MEI4: variants seen among roughly 807,000 people sequenced by gnomAD.
The protein encoded by MEI4 is meiotic double-stranded break formation protein 4, also known as meiosis-specific protein MEI4.
Under a neutral mutation model 31.4 loss-of-function variants are expected in MEI4, and 27 were observed. That is an observed-to-expected ratio of 0.86 (90% CI 0.63 to 1.19). MEI4 has a LOEUF of 1.19. Ranked by LOEUF, MEI4 falls within the 50% of genes most tolerant of loss-of-function variation. The probability of loss-of-function intolerance (pLI) is 0.00; values close to 1 mark genes in which losing one functional copy is unlikely to be tolerated. For synonymous variants in MEI4, 122 were observed against 145.4 expected (o/e 0.84, Z 1.16); for missense variants, 329 against 398.9 (o/e 0.82, Z 1.49).
intron 2 of MEI4, among the ~76,000 whole-genome samples, chr6:77,730,402 C>A (rs1403897493): frequency 6.6e-6 from 1 of 152,032 alleles, no homozygotes; most frequent in Non-Finnish European, 1.5e-5. Context: ...CTCATCCTGA[C>A]ACTTCCTGTT....
At chr6:77,700,579 T>C (rs1441394708) in intron 2 of MEI4, among the ~76,000 whole-genome samples, 11 of 152,190 alleles carry the variant, frequency 7.2e-5, no homozygotes, top group Non-Finnish European at 1.3e-4. Context: ...TCGGCTCACA[T>C]ACGGTGTGCT....
chr6:77,784,387 G>C (rs1039309253), intron 3 of MEI4, among the ~76,000 whole-genome samples: 2 of 152,086 alleles, frequency 1.3e-5, no homozygotes, highest in African/African-American at 4.8e-5. Context: ...TATCGAGCAG[G>C]CATCACATGC....
At chr6:77,920,901 C>T (rs1266324798) in intron 4 of MEI4, among the ~76,000 whole-genome samples, 1 of 151,828 alleles carries the variant, frequency 6.6e-6, no homozygotes, top group East Asian at 1.9e-4. Flanking sequence ...TGCTTTCATC[C>T]AGGCTTGTTG....
At chr6:77,855,684 C>T (rs9361299) in intron 4 of MEI4, among the ~76,000 whole-genome samples, 21,305 of 152,086 alleles carry the variant, frequency 0.14, 1,769 homozygotes, top group East Asian at 0.39. Flanking sequence ...TAAGGAAACA[C>T]ATCTGTGTTT....
intron 1 of MEI4, among the ~76,000 whole-genome samples, chr6:77,664,932 C>T (rs937810646): frequency 6.6e-6 from 1 of 151,880 alleles, no homozygotes; most frequent in African/African-American, 2.4e-5. Context: ...GGTTTTAGGT[C>T]AGGTGTGAGT....
intron 4 of MEI4, among the ~76,000 whole-genome samples, chr6:77,910,599 G>C (rs572920464): frequency 2.5e-3 from 385 of 152,230 alleles, no homozygotes; most frequent in Non-Finnish European, 4.4e-3. Flanking sequence ...TGGGTAGGAA[G>C]AATCAATATT....
chr6:77,898,860 CT>C (rs1766135093), intron 4 of MEI4, among the ~76,000 whole-genome samples: 1 of 151,840 alleles, frequency 6.6e-6, no homozygotes, highest in Non-Finnish European at 1.5e-5. Flanking sequence ...AATGAAACAC[CT>C]TTTAAAGAGT....
At chr6:77,683,407 G>A (rs483602) in intron 1 of MEI4, among the ~76,000 whole-genome samples, 39,681 of 151,904 alleles carry the variant, frequency 0.26, 6,795 homozygotes, top group African/African-American at 0.47. Context: ...TTTTTTGTGC[G>A]TGGTGAGAAC....
intron 2 of MEI4, among the ~76,000 whole-genome samples, chr6:77,729,009 T>G (rs978724352): frequency 6.6e-6 from 1 of 152,132 alleles, no homozygotes; most frequent in African/African-American, 2.4e-5. Context: ...AGTTAGAACA[T>G]GTAAGGCTCT....
intron 3 of MEI4, among the ~76,000 whole-genome samples, chr6:77,776,527 A>G (rs1017526499): frequency 1.3e-5 from 2 of 152,124 alleles, no homozygotes; most frequent in Non-Finnish European, 2.9e-5. Flanking sequence ...GAAGATTATG[A>G]GAGGCAACTT....
At chr6:77,775,122 G>A (rs1768407099) in intron 3 of MEI4, among the ~76,000 whole-genome samples, 1 of 136,110 alleles carries the variant, frequency 7.3e-6, no homozygotes, top group Non-Finnish European at 1.5e-5. Context: ...GGGACCTCCT[G>A]GACAATTCAG....
intron 4 of MEI4, among the ~76,000 whole-genome samples, chr6:77,835,340 A>G (rs1770187768): frequency 6.7e-6 from 1 of 148,172 alleles, no homozygotes; most frequent in Non-Finnish European, 1.5e-5. Flanking sequence ...AGCCTGGGCA[A>G]CAAGAGTGAA....
chr6:77,922,841 A>T (rs1170550269), intron 4 of MEI4, among the ~76,000 whole-genome samples: 1 of 151,780 alleles, frequency 6.6e-6, no homozygotes, highest in Non-Finnish European at 1.5e-5. Flanking sequence ...TATTCTCTGC[A>T]AGAATGCAGG....
intron 3 of MEI4, among the ~76,000 whole-genome samples, chr6:77,803,756 G>C (rs1769344041): frequency 6.6e-6 from 1 of 152,162 alleles, no homozygotes; most frequent in Admixed American, 6.5e-5. Context: ...CTGTTTGCCT[G>C]GGTATCAGCA....
intron 4 of MEI4, 84 bp from the exon 5 acceptor site, chr6:77,923,005 C>A: frequency 1.2e-6 from 1 of 804,448 alleles, no homozygotes; most frequent in Non-Finnish European, 1.7e-6. Context: ...ATTTCGTTTG[C>A]CTGAAACTCT....
intron 4 of MEI4, among the ~76,000 whole-genome samples, chr6:77,852,586 T>TTG (rs1491103134): frequency 1.8e-4 from 1 of 5,540 alleles, no homozygotes; most frequent in East Asian, 0.083. Context: ...TTGTTGTTTG[T>TTG]TTTTTTTTTT....
intron 2 of MEI4, among the ~76,000 whole-genome samples, chr6:77,735,296 C>T (rs1767155530): frequency 6.6e-6 from 1 of 151,892 alleles, no homozygotes; most frequent in African/African-American, 2.4e-5. Flanking sequence ...TTGGTCTTTT[C>T]ACATAGTCCC....
At chr6:77,851,928 A>T (rs1318541672) in intron 4 of MEI4, among the ~76,000 whole-genome samples, 1 of 152,164 alleles carries the variant, frequency 6.6e-6, no homozygotes, top group Admixed American at 6.6e-5. Context: ...TTATTTGTAA[A>T]TGAGTCTGGG....
Position 77,756,451 on chromosome 6 carries a change from G to A in MEI4, c.233-4679G>A, listed in dbSNP as rs545443750. Among the ~76,000 whole-genome samples the A allele has an allele frequency of 3.3e-5, 5 of 152,090 alleles. No homozygotes were observed. In the South Asian group the frequency reaches 6.2e-4, roughly 19 times the overall value. On this transcript the variant is annotated intron_variant, in intron 2 of 4. Transcript: ENST00000684080. Reference sequence around the variant, plus strand: ...ATTTGTAGTTGTCAGAGTTTTCATCGTTGAGGACAGATAGGAGCAGAACTA... The same window carrying A: ...ATTTGTAGTTGTCAGAGTTTTCATCATTGAGGACAGATAGGAGCAGAACTA...
Sources: gnomAD v4.1 joint callset for allele counts (sites outside exome capture counted in the v4.1 genomes callset) on GRCh38, gnomAD v4.1.1 for gene constraint, MANE v1.5 for transcripts, NCBI Gene and HGNC (gene_info 2026-07-23, HGNC 2026-07-21) for gene names.